The following ZSCAN25 variants were observed in gnomAD, a reference collection of about 807,000 sequenced individuals.
ZSCAN25 encodes the protein zinc finger and SCAN domain containing 25.
ZSCAN25 carries 27 observed loss-of-function variants against 38.7 expected under a neutral mutation model. That is an observed-to-expected ratio of 0.70 (90% CI 0.51 to 0.96). The LOEUF (loss-of-function observed/expected upper bound fraction) is 0.96. ZSCAN25 is among the 40% of genes least tolerant of loss of function. The pLI, the probability that ZSCAN25 is intolerant of heterozygous loss-of-function variation, is 0.00. For synonymous variants in ZSCAN25, 273 were observed against 277.7 expected (o/e 0.98, Z 0.17); for missense variants, 637 against 705.9 (o/e 0.90, Z 1.11).
the ZSCAN25 span, among the ~76,000 whole-genome samples, chr7:99,680,632 G>A: frequency 6.6e-6 from 1 of 152,168 alleles, no homozygotes; most frequent in South Asian, 2.1e-4. Context: ...GAATGTTGGT[G>A]GAGTTGTCTT....
At chr7:99,660,803 T>A in the ZSCAN25 span, 1 of 965,718 alleles carries the variant, frequency 1.0e-6, no homozygotes, top group Admixed American at 2.7e-5. Context: ...GTTTTCATTC[T>A]GATATGTATC....
At chr7:99,650,236 G>GT in the ZSCAN25 span, 1 of 1,612,378 alleles carries the variant, frequency 6.2e-7, no homozygotes, top group Non-Finnish European at 8.5e-7. Flanking sequence ...ACTGAACCTA[G>GT]TTCCATATTG....
the ZSCAN25 span, chr7:99,666,471 T>G: frequency 2.0e-6 from 2 of 993,576 alleles, no homozygotes. Flanking sequence ...AGGTGGCTCT[T>G]TGGAGTTGCA....
the ZSCAN25 span, among the ~76,000 whole-genome samples, chr7:99,682,210 TACA>T: frequency 6.6e-6 from 1 of 152,204 alleles, no homozygotes; most frequent in East Asian, 1.9e-4. Context: ...CCTCAAGTGA[TACA>T]CCCGCCTCGG....
the ZSCAN25 span, chr7:99,705,335 A>T: frequency 7.9e-6 from 6 of 758,200 alleles, no homozygotes; most frequent in East Asian, 1.8e-4. Flanking sequence ...CACTCTATAC[A>T]GACCATGAGA....
chr7:99,734,993 C>G, the ZSCAN25 span: 1 of 1,613,878 alleles, frequency 6.2e-7, no homozygotes, highest in Non-Finnish European at 8.5e-7. Context: ...TCCAAGGAAA[C>G]AGAGAAGAGG....
the ZSCAN25 span, among the ~76,000 whole-genome samples, chr7:99,734,182 G>A: frequency 6.6e-6 from 1 of 152,288 alleles, no homozygotes; most frequent in East Asian, 1.9e-4. Flanking sequence ...TAACTTTTCT[G>A]TGAAAGAATT....
At chr7:99,712,164 C>G in the ZSCAN25 span, among the ~76,000 whole-genome samples, 2 of 152,006 alleles carry the variant, frequency 1.3e-5, no homozygotes, top group African/African-American at 4.8e-5. Flanking sequence ...ATTTAGAGAC[C>G]GGGAACACAG....
At chr7:99,722,068 T>C in the ZSCAN25 span, among the ~76,000 whole-genome samples, 1 of 152,236 alleles carries the variant, frequency 6.6e-6, no homozygotes, top group Admixed American at 6.5e-5. Flanking sequence ...CATCTTTGTC[T>C]TCCTTTACCT....
the ZSCAN25 span, among the ~76,000 whole-genome samples, chr7:99,699,721 C>T: frequency 1.3e-5 from 2 of 152,188 alleles, no homozygotes; most frequent in Non-Finnish European, 2.9e-5. Context: ...ATCATTCCCA[C>T]TAACAAATGC....
the ZSCAN25 span, among the ~76,000 whole-genome samples, chr7:99,675,438 A>T: frequency 7.2e-5 from 11 of 152,120 alleles, no homozygotes; most frequent in Admixed American, 5.9e-4. Flanking sequence ...CAGAGGCTTC[A>T]GTTGTGAGAG....
In ZSCAN25 at chr7:99,629,762, C is replaced by T; in HGVS notation, c.1377C>T (p.Tyr459=). ...GGACGCACACCGGGGAGAAGCCCTA[C>T]ACCTGCGAGTGTGGCAAGAGCTTCA... ...HRRTHTGEKP[Y]TCECGKSFSR... The change falls in exon 8 of 8, where the codon TAC becomes TAT. Residue 459 remains tyrosine, a synonymous_variant. Coordinates refer to ENST00000394152, the MANE Select transcript of ZSCAN25 (RefSeq NM_145115.3). This position sits in a 1 kb window ranked among gnomAD's most constrained non-coding sequence, Gnocchi z 5.6. 1 of 1,614,222 alleles carries T rather than the reference C, an allele frequency of 6.2e-7. No homozygotes were observed. The highest frequency in any genetic ancestry group is 1.1e-5 in the South Asian group (1 of 91,082).
the ZSCAN25 span, chr7:99,720,309 T>C: frequency 6.2e-7 from 1 of 1,612,396 alleles, no homozygotes; most frequent in Non-Finnish European, 8.5e-7. Context: ...AAATGGATGC[T>C]TACCCTCCGG....
chr7:99,720,696 C>T, the ZSCAN25 span: 1 of 358,780 alleles, frequency 2.8e-6, no homozygotes, highest in Non-Finnish European at 5.2e-6. Flanking sequence ...GACAGGAGAG[C>T]ATTTGTTAAG....
the ZSCAN25 span, chr7:99,735,284 C>G: frequency 1.4e-6 from 1 of 697,660 alleles, no homozygotes; most frequent in Non-Finnish European, 2.4e-6. Flanking sequence ...CGTGCTCTGC[C>G]TGCAGTCGGA....
chr7:99,663,992 TTTCTTCA>T, the ZSCAN25 span: 8 of 1,591,448 alleles, frequency 5.0e-6, no homozygotes, highest in Non-Finnish European at 6.0e-6. Context: ...TGAGGCGACT[TTTCTTCA>T]TTCTGTTTAC....
chr7:99,658,845 C>G, the ZSCAN25 span: 1 of 152,208 alleles, frequency 6.6e-6, no homozygotes, highest in African/African-American at 2.4e-5. Context: ...TCTTCCATCA[C>G]TGATACCCTT....
the ZSCAN25 span, chr7:99,680,070 A>G: frequency 1.6e-6 from 1 of 620,460 alleles, no homozygotes; most frequent in Admixed American, 2.6e-5. Context: ...CCAATAGCAA[A>G]GAATCGCACA....
At chr7:99,665,137 A>G in the ZSCAN25 span, 20 of 1,536,366 alleles carry the variant, frequency 1.3e-5, no homozygotes, top group Admixed American at 3.1e-4. Flanking sequence ...TATTTTTAAA[A>G]AGAGAGAAAG....
Sources: allele counts gnomAD v4.1 joint callset (sites outside exome capture counted in the v4.1 genomes callset), GRCh38; gene constraint gnomAD v4.1.1; non-coding constraint Gnocchi (gnomAD v3.1); transcripts MANE v1.5; gene names NCBI Gene and HGNC (gene_info 2026-07-23, HGNC 2026-07-21).